The following TCF24 variants were observed in gnomAD, a reference collection of about 807,000 sequenced individuals.
The protein encoded by TCF24 is transcription factor 24.
A neutral mutation model predicts 9.3 loss-of-function variants in TCF24; 5 were observed. That is an observed-to-expected ratio of 0.54 (90% CI 0.28 to 1.13). The LOEUF (loss-of-function observed/expected upper bound fraction) is 1.13. TCF24 is among the 50% of genes most tolerant of loss of function. TCF24 has a pLI of 0.09. For missense variants in TCF24, 220 were observed against 236.1 expected, an observed-to-expected ratio of 0.93 and a Z score of 0.45; for synonymous variants, 110 against 115.8, an observed-to-expected ratio of 0.95 and a Z score of 0.32.
chr8:66,949,670 G>A (rs915409142), intron 3 of TCF24, among the ~76,000 whole-genome samples: 2 of 152,062 alleles, frequency 1.3e-5, no homozygotes, highest in African/African-American at 4.8e-5. Context: ...GATCCTTGAG[G>A]AATCGCCACA....
intron 3 of TCF24, among the ~76,000 whole-genome samples, chr8:66,954,342 A>C: frequency 6.6e-6 from 1 of 151,752 alleles, no homozygotes; most frequent in Non-Finnish European, 1.5e-5. Context: ...GGTCTGTTGG[A>C]ATACCCTGCC....
chr8:66,950,158 G>A (rs1814034016), intron 3 of TCF24, among the ~76,000 whole-genome samples: 1 of 147,546 alleles, frequency 6.8e-6, no homozygotes, highest in South Asian at 2.2e-4. Flanking sequence ...TGCTTTTGGT[G>A]TTTTAGACAT....
chr8:66,961,165 G>C (rs1814245023), intron 3 of TCF24, among the ~76,000 whole-genome samples: 2 of 152,146 alleles, frequency 1.3e-5, no homozygotes, highest in South Asian at 4.1e-4. Context: ...GGCTTTAAAC[G>C]CCTCTCCAGC....
At chr8:66,958,650 GACTCCATCTCA>G (rs1232579864) in intron 3 of TCF24, among the ~76,000 whole-genome samples, 1 of 152,108 alleles carries the variant, frequency 6.6e-6, no homozygotes, top group Non-Finnish European at 1.5e-5. Context: ...GACAGAGAGA[GACTCCATCTCA>G]AACAACAACA....
chr8:66,947,902 A>G lies in TCF24; in HGVS notation c.*149T>C. The G allele has an allele frequency of 1.8e-6, 1 of 568,564 alleles. No homozygotes were observed. The highest frequency in any genetic ancestry group is 2.6e-5 in the South Asian group (1 of 37,978). 35.2% of individuals were successfully genotyped at this position (568,564 alleles called of 1,614,324 possible). A position where few individuals can be genotyped will look rare whatever the true frequency, so the allele number is the denominator to read the frequency against. ...TATAACACTGATTATTTCATTCCAC[A>G]TTTAGACAGATAAACCTGAACATCC... On this transcript the variant is annotated 3_prime_UTR_variant, in exon 4 of 4. Coordinates refer to ENST00000563496, the MANE Select transcript of TCF24 (RefSeq NM_001193502.2).
chr8:66,949,106 CT>C (rs536966114), intron 3 of TCF24, among the ~76,000 whole-genome samples: 19 of 146,688 alleles, frequency 1.3e-4, no homozygotes, highest in South Asian at 4.3e-4. Flanking sequence ...CTTTTTTTTT[CT>C]TTTTTTTTTA....
At chr8:66,958,554 G>A (rs1181031755) in intron 3 of TCF24, among the ~76,000 whole-genome samples, 1 of 152,088 alleles carries the variant, frequency 6.6e-6, no homozygotes, top group Admixed American at 6.6e-5. Context: ...CCAGCTACTC[G>A]GGAAGCTGAG....
intron 3 of TCF24, among the ~76,000 whole-genome samples, chr8:66,957,034 A>C (rs1814166553): frequency 6.9e-6 from 1 of 144,758 alleles, no homozygotes; most frequent in South Asian, 2.3e-4. Flanking sequence ...AATCGCTTCA[A>C]CCCAGGAGGC....
At chr8:66,948,654 ACTATCTAT>A (rs10524696) in intron 3 of TCF24, among the ~76,000 whole-genome samples, 12,192 of 146,590 alleles carry the variant, frequency 0.083, 500 homozygotes, top group South Asian at 0.13. Context: ...AAAAGTGTCA[ACTATCTAT>A]CTATCTATCT....
Position 66,948,137 on chromosome 8 carries a change from T to G in TCF24, c.418A>C (p.Ile140Leu). The G allele has an allele frequency of 6.5e-7, 1 of 1,533,440 alleles. No individual in the cohort carries two copies. 95.0% of individuals were successfully genotyped at this position (1,533,440 alleles called of 1,614,324 possible). The change falls in exon 4 of 4, where the codon ATC (isoleucine) becomes CTC (leucine). Residue 140 changes from isoleucine (I) to leucine (L), a missense_variant. Physicochemically the swap from Ile to Leu is conservative, Grantham distance 5. Coordinates refer to ENST00000563496, the MANE Select transcript of TCF24 (RefSeq NM_001193502.2). ...TTCAGAAACTGACCAGTAGCACCGA[T>G]GTACAATCTTGATCGCATGGGCCAT... ...KKWPMRSRLYIGATGQFLKHS... is the reference protein window; with the variant it reads ...KKWPMRSRLYLGATGQFLKHS...
chr8:66,957,890 A>G (rs1814185655), intron 3 of TCF24, among the ~76,000 whole-genome samples: 1 of 139,688 alleles, frequency 7.2e-6, no homozygotes, highest in African/African-American at 2.7e-5. Context: ...TGTGTTAAGA[A>G]TTGCTAAAAA....
rs1814263309 is a variant in TCF24, at chr8:66,961,860, T to A, written c.-24+17A>T. ...AACCCGAGAGGCGCAGCCCCCTGGTTCTCCCCGTGCGCCCACCAGCAGCCC... is the reference window on the plus strand; with the variant it reads ...AACCCGAGAGGCGCAGCCCCCTGGTACTCCCCGTGCGCCCACCAGCAGCCC... On this transcript the variant is annotated intron_variant, in intron 2 of 3. Transcript: ENST00000563496. 1.0e-6 allele frequency: 1 copy of A among 977,070 alleles called. No homozygotes were observed. Among genetic ancestry groups the A allele is most frequent in the Middle Eastern group, 5.1e-4 (1 of 1,958 alleles). The allele number at this position is 977,070 out of a possible 1,614,324, so 60.5% of individuals were successfully genotyped here.
Position 66,961,262 on chromosome 8 carries a change from C to A in TCF24, c.390+114G>T, listed in dbSNP as rs944576457. On this transcript the variant is annotated intron_variant, in intron 3 of 3. Coordinates refer to ENST00000563496, the MANE Select transcript of TCF24 (RefSeq NM_001193502.2). ...GGGCCGAGGTCGTTCTCCCGGTCGG[C>A]TTCCCGCCTCACCCGAAAAGGAATT... The A allele has an allele frequency of 5.5e-6, 7 of 1,280,468 alleles. No homozygotes were observed. In the African/African-American group the frequency reaches 9.3e-5, roughly 17 times the overall value. 79.3% of individuals were successfully genotyped at this position (1,280,468 alleles called of 1,614,324 possible).
In TCF24 at chr8:66,961,900, C is replaced by G. The variant is rs1190330006; in HGVS notation, c.-47G>C. 2 of 750,812 alleles carry G rather than the reference C, an allele frequency of 2.7e-6. No homozygotes were observed. Among genetic ancestry groups the G allele is most frequent in the Non-Finnish European group, 3.3e-6 (2 of 609,558 alleles). The allele number at this position is 750,812 out of a possible 1,614,324, so 46.5% of individuals were successfully genotyped here. A position where few individuals can be genotyped will look rare whatever the true frequency, so the allele number is the denominator to read the frequency against. Reference sequence around the variant, plus strand: ...ACCAGCAGCCCAACGGGGCTAAGGGCGCTCTCAAGCGAGCTCGTTTTGCCT... The same window carrying G: ...ACCAGCAGCCCAACGGGGCTAAGGGGGCTCTCAAGCGAGCTCGTTTTGCCT... On this transcript the variant is annotated 5_prime_UTR_variant, in exon 2 of 4. Coordinates refer to ENST00000563496, the MANE Select transcript of TCF24 (RefSeq NM_001193502.2).
At chr8:66,949,723 C>A (rs577167972) in intron 3 of TCF24, among the ~76,000 whole-genome samples, 1 of 152,156 alleles carries the variant, frequency 6.6e-6, no homozygotes, top group East Asian at 1.9e-4. Context: ...GTCCCACCAA[C>A]AGTGTAAAAG....
intron 3 of TCF24, among the ~76,000 whole-genome samples, chr8:66,959,945 G>C (rs950847514): frequency 6.6e-5 from 10 of 152,216 alleles, no homozygotes; most frequent in Middle Eastern, 3.4e-3. Flanking sequence ...TTCAAAAAAA[G>C]CATTCCAAGA....
chr8:66,960,400 T>C (rs917300874), intron 3 of TCF24, among the ~76,000 whole-genome samples: 2 of 152,126 alleles, frequency 1.3e-5, no homozygotes, highest in African/African-American at 4.8e-5. Context: ...AGCTAAGTCT[T>C]AAGTCTTAAC....
intron 3 of TCF24, among the ~76,000 whole-genome samples, chr8:66,954,423 G>A (rs1344203370): frequency 6.6e-6 from 1 of 151,934 alleles, no homozygotes; most frequent in Non-Finnish European, 1.5e-5. Context: ...AGGGGTCAGG[G>A]ACCCACTTGA....
intron 3 of TCF24, among the ~76,000 whole-genome samples, chr8:66,950,160 T>G (rs1814034060): frequency 6.7e-6 from 1 of 148,214 alleles, no homozygotes; most frequent in South Asian, 2.2e-4. Flanking sequence ...CTTTTGGTGT[T>G]TTAGACATGA....
Sources: allele counts gnomAD v4.1 joint callset (sites outside exome capture counted in the v4.1 genomes callset), GRCh38; gene constraint gnomAD v4.1.1; transcripts MANE v1.5; gene names NCBI Gene and HGNC (gene_info 2026-07-23, HGNC 2026-07-21).